GIN1: variants seen among roughly 807,000 people sequenced by gnomAD.
The protein encoded by GIN1 is gypsy retrotransposon integrase-like protein 1.
GIN1 carries 41 observed loss-of-function variants against 51.4 expected under a neutral mutation model. The observed-to-expected ratio is 0.80, with a 90% confidence interval of 0.62 to 1.04. The LOEUF is 1.04. Among genes scored for constraint, GIN1 ranks in the 50% least tolerant of loss-of-function variants. The probability of loss-of-function intolerance (pLI) is 0.00; values close to 1 mark genes in which losing one functional copy is unlikely to be tolerated. For missense variants in GIN1, 610 were observed against 612.4 expected (o/e 1.00, Z 0.04); for synonymous variants, 222 against 206.5 (o/e 1.07, Z -0.64).
chr5:103,093,726 G>A (rs567446764), intron 7 of GIN1, among the ~76,000 whole-genome samples: 1 of 152,230 alleles, frequency 6.6e-6, no homozygotes, highest in South Asian at 2.1e-4. Context: ...TCAAAACTGT[G>A]CAAAATCTAT....
chr5:103,107,930 ACATT>A (rs1286642141), intron 2 of GIN1, among the ~76,000 whole-genome samples: 2 of 152,194 alleles, frequency 1.3e-5, no homozygotes, highest in African/African-American at 4.8e-5. Context: ...TGTAACACAA[ACATT>A]CATTCAATTA....
intron 7 of GIN1, among the ~76,000 whole-genome samples, chr5:103,095,696 C>G (rs1168563371): frequency 6.6e-6 from 1 of 152,162 alleles, no homozygotes; most frequent in Non-Finnish European, 1.5e-5. Context: ...CCAAGGCAGG[C>G]AAATCCCTAG....
intron 1 of GIN1, among the ~76,000 whole-genome samples, chr5:103,115,110 A>G (rs1787996316): frequency 6.6e-6 from 1 of 152,184 alleles, no homozygotes; most frequent in South Asian, 2.1e-4. Flanking sequence ...TTGATCTAAA[A>G]AATGTGACTG....
chr5:103,101,034 T>TATAC (rs1352543489), intron 4 of GIN1, among the ~76,000 whole-genome samples: 1 of 152,222 alleles, frequency 6.6e-6, no homozygotes, highest in Admixed American at 6.5e-5. Context: ...TGTTTTCCCC[T>TATAC]ATACATACAT....
chr5:103,107,168 C>G (rs17448184), intron 2 of GIN1, among the ~76,000 whole-genome samples: 4,789 of 151,914 alleles, frequency 0.032, 107 homozygotes, highest in Non-Finnish European at 0.048. Context: ...GCTTGTTCAC[C>G]AAAGCACGTA....
chr5:103,106,716 C>A lies in GIN1; in HGVS notation c.333G>T (p.Trp111Cys), dbSNP rs782614749. 2 of 1,541,776 alleles carry A rather than the reference C, an allele frequency of 1.3e-6. No homozygotes were observed. The highest frequency in any genetic ancestry group is 1.9e-5 in the Admixed American group (1 of 53,826). ...AATACTCTAAATACATAAGCCATAC[C>A]CACTGTTTGACATCATTGGTCACAG... ...WTSVTNDVKQ[W>C]VYACQHCQVA... The change falls in exon 3 of 8, where the codon TGG becomes TGT. Residue 111 changes from tryptophan (W) to cysteine (C), a missense_variant and splice_region_variant. Trp to Cys is a radical substitution (Grantham distance 215). Transcript: ENST00000399004.
intron 1 of GIN1, among the ~76,000 whole-genome samples, chr5:103,115,441 T>C (rs918599108): frequency 2.2e-4 from 33 of 152,164 alleles, no homozygotes; most frequent in African/African-American, 7.5e-4. Flanking sequence ...TACTGTAAGA[T>C]TCCACCTATA....
At chr5:103,117,599 CAT>C (rs3994863) in intron 1 of GIN1, among the ~76,000 whole-genome samples, 2,718 of 152,088 alleles carry the variant, frequency 0.018, 41 homozygotes, top group Non-Finnish European at 0.03. Flanking sequence ...CACACACACA[CAT>C]ATCATCTAGG....
At chr5:103,107,917 A>G (rs1787770612) in intron 2 of GIN1, among the ~76,000 whole-genome samples, 1 of 152,084 alleles carries the variant, frequency 6.6e-6, no homozygotes, top group Admixed American at 6.6e-5. Context: ...CAAAATTCCC[A>G]TTTGTAACAC....
intron 6 of GIN1, 90 bp downstream of exon 6, chr5:103,097,224 T>C (rs1554195176): frequency 2.7e-6 from 2 of 738,996 alleles, no homozygotes; most frequent in Non-Finnish European, 4.6e-6. Flanking sequence ...TGTGTGTGTG[T>C]GCATGCACAC....
At chr5:103,115,457 T>C (rs1048475221) in intron 1 of GIN1, among the ~76,000 whole-genome samples, 1 of 152,094 alleles carries the variant, frequency 6.6e-6, no homozygotes, top group African/African-American at 2.4e-5. Flanking sequence ...CTATATGAGG[T>C]AGTCAGAGTA....
intron 1 of GIN1, 116 bp from the exon 2 acceptor site, chr5:103,108,830 A>C (rs1787798343): frequency 1.5e-6 from 1 of 676,336 alleles, no homozygotes; most frequent in East Asian, 2.9e-5. Context: ...CCCAGAATTT[A>C]TTTGTGAGGG....
In GIN1 at chr5:103,115,559, A is replaced by G. The variant is rs1554197314; in HGVS notation, c.-8+4505T>C. Among the ~76,000 whole-genome samples the G allele has an allele frequency of 1.4e-4, 22 of 152,116 alleles. 1 individual carries two copies. On this transcript the variant is annotated intron_variant, in intron 1 of 7. Transcript: ENST00000399004. ...GTAAGAGTTATTATTTAACTGGTCA[A>G]GAGTTTCAGTTACACAAAATGAAAA...
intron 4 of GIN1, among the ~76,000 whole-genome samples, chr5:103,101,432 G>A (rs1787572387): frequency 6.6e-6 from 1 of 152,158 alleles, no homozygotes; most frequent in South Asian, 2.1e-4. Context: ...TTGACTATAG[G>A]AACTGAAACC....
chr5:103,087,129 C>A lies in GIN1; in HGVS notation c.*769G>T, dbSNP rs188166725. Reference sequence around the variant, plus strand: ...CTGGGACCGCAGGCATGTGCCACCACACCTGGCTAATTTTTAAACATTTTT... The same window carrying A: ...CTGGGACCGCAGGCATGTGCCACCAAACCTGGCTAATTTTTAAACATTTTT... On this transcript the variant is annotated 3_prime_UTR_variant, in exon 8 of 8. Transcript: ENST00000399004. 95 of 152,262 alleles carry A rather than the reference C, an allele frequency of 6.2e-4. 4 individuals are homozygous for A. The East Asian group carries it at 0.016, about 25-fold the overall frequency. The allele number at this position is 152,262 out of a possible 1,614,324, so 9.4% of individuals were successfully genotyped here. A position where few individuals can be genotyped will look rare whatever the true frequency, so the allele number is the denominator to read the frequency against.
chr5:103,095,850 G>A (rs1787376977), intron 7 of GIN1, among the ~76,000 whole-genome samples: 1 of 152,080 alleles, frequency 6.6e-6, no homozygotes, highest in Non-Finnish European at 1.5e-5. Context: ...CTTGAACCCA[G>A]GAAGCAGAAG....
chr5:103,103,186 G>A (rs1302586013), intron 4 of GIN1, among the ~76,000 whole-genome samples: 1 of 152,170 alleles, frequency 6.6e-6, no homozygotes, highest in Middle Eastern at 3.2e-3. Flanking sequence ...GGTAGAAGGT[G>A]CTTATGTGAC....
intron 4 of GIN1, chr5:103,102,845 A>T (rs1201482699): frequency 6.6e-6 from 1 of 152,102 alleles, no homozygotes; most frequent in African/African-American, 2.4e-5. Context: ...GTGCCACAGC[A>T]CTCCAGGCTG....
chr5:103,098,786 A>G (rs1365932327), intron 4 of GIN1, among the ~76,000 whole-genome samples: 1 of 152,178 alleles, frequency 6.6e-6, no homozygotes, highest in Admixed American at 6.5e-5. Flanking sequence ...TTCAGTAGAC[A>G]GTGTCTCAAA....
Sources: gnomAD v4.1 joint callset for allele counts (sites outside exome capture counted in the v4.1 genomes callset) on GRCh38, gnomAD v4.1.1 for gene constraint, MANE v1.5 for transcripts, NCBI Gene and HGNC (gene_info 2026-07-23, HGNC 2026-07-21) for gene names.